Variants in PLXNA4 observed in about 807,000 individuals in gnomAD.
The protein encoded by PLXNA4 is plexin-A4.
PLXNA4 carries 44 observed loss-of-function variants against 191.8 expected under a neutral mutation model. That is an observed-to-expected ratio of 0.23 (90% CI 0.18 to 0.29). The LOEUF (loss-of-function observed/expected upper bound fraction) is 0.29, where lower values mean the gene tolerates loss of function less well. Among genes scored for constraint, PLXNA4 ranks in the 10% least tolerant of loss-of-function variants. The probability of loss-of-function intolerance (pLI) is 1.00; values close to 1 mark genes in which losing one functional copy is unlikely to be tolerated. For synonymous variants in PLXNA4, 1,082 were observed against 1,009.5 expected (o/e 1.07, Z -1.36); for missense variants, 1,800 against 2,488.8 (o/e 0.72, Z 5.89).
In PLXNA4 at chr7:132,507,585, C is replaced by A; in HGVS notation, c.1109G>T (p.Arg370Leu). Reference protein sequence around the residue: ...LKQINDRIKERLQSCYRGEGT... With the variant: ...LKQINDRIKELLQSCYRGEGT... ...CTCGCCCCGGTAACAAGACTGCAGC[C>A]GCTCCTTAATGCGGTCATTTATCTG... is the stretch of plus-strand genomic sequence containing the variant. The change falls in exon 2 of 32, where the codon CGG (arginine) becomes CTG (leucine). Residue 370 changes from arginine (R) to leucine (L), a missense_variant. Physicochemically the swap from Arg to Leu is moderately radical, Grantham distance 102 (BLOSUM62 -2). Coordinates refer to ENST00000321063, the MANE Select transcript of PLXNA4 (RefSeq NM_020911.2). The A allele has an allele frequency of 6.2e-7, 1 of 1,614,122 alleles. No individual in the cohort carries two copies. Among genetic ancestry groups the A allele is most frequent in the Non-Finnish European group, 8.5e-7 (1 of 1,180,028 alleles).
chr7:132,586,428 G>T (rs1313952941), intron 2 of PLXNA4, among the ~76,000 whole-genome samples: 1 of 152,180 alleles, frequency 6.6e-6, no homozygotes, highest in Admixed American at 6.5e-5. Flanking sequence ...AAAAAGGTGA[G>T]AGAGCTTAAC....
intron 3 of PLXNA4, among the ~76,000 whole-genome samples, chr7:132,426,255 C>T (rs560004073): frequency 1.3e-5 from 2 of 152,214 alleles, no homozygotes; most frequent in Non-Finnish European, 2.9e-5. Flanking sequence ...CCTTCAATGG[C>T]CCCCGGTGAT....
Position 132,319,856 on chromosome 7 carries a change from C to T in PLXNA4, c.1372-21634G>A, listed in dbSNP as rs145824713. 5.5e-3 allele frequency among the ~76,000 whole-genome samples: 845 copies of T among 152,332 alleles called. 3 individuals carry two copies. Among genetic ancestry groups the T allele is most frequent in the Non-Finnish European group, 9.0e-3 (611 of 68,036 alleles). ...GGCAGTACCATGCTTCCCCACCTCT[C>T]CTATGCTCTCCACTTGCTTCCTTCC... On this transcript the variant is annotated intron_variant, in intron 3 of 31. Transcript: ENST00000321063.
rs1429306147 is a variant in PLXNA4 at position 132,594,973 on chromosome 7, GATA to G, written c.-87+50952_-87+50954del. Among the ~76,000 whole-genome samples the G allele has an allele frequency of 2.7e-3, 403 of 147,014 alleles. 3 individuals carry two copies. Among genetic ancestry groups the G allele is most frequent in the African/African-American group, 6.0e-3 (234 of 39,148 alleles). On this transcript the variant is annotated intron_variant, in intron 2 of 4. Transcript: ENST00000378539. ...TAGATAGATAGATAGATAATTGATAGATAATAGATAGATAGATAGATAGATAGA... is the reference window on the plus strand; with the variant it reads ...TAGATAGATAGATAGATAATTGATAGATAGATAGATAGATAGATAGATAGA...
At chr7:132,426,912 C>G (rs1795066540) in intron 3 of PLXNA4, among the ~76,000 whole-genome samples, 1 of 152,198 alleles carries the variant, frequency 6.6e-6, no homozygotes. Context: ...CTGAGAAATG[C>G]TGACCTAGGG....
At chr7:132,260,453 C>T (rs1799597477) in intron 4 of PLXNA4, among the ~76,000 whole-genome samples, 1 of 152,088 alleles carries the variant, frequency 6.6e-6, no homozygotes, top group African/African-American at 2.4e-5. Context: ...GAGAACTAAA[C>T]AGTGAGTACA....
intron 3 of PLXNA4, among the ~76,000 whole-genome samples, chr7:132,370,673 A>G (rs899038589): frequency 2.0e-5 from 3 of 152,138 alleles, no homozygotes; most frequent in African/African-American, 7.2e-5. Flanking sequence ...TCATATCACT[A>G]ATAAATGTCT....
At chr7:132,255,126 C>T (rs1799390291) in intron 4 of PLXNA4, among the ~76,000 whole-genome samples, 1 of 152,086 alleles carries the variant, frequency 6.6e-6, no homozygotes, top group Admixed American at 6.5e-5. Context: ...AGATGGAGAA[C>T]CTGGGAGAAG....
chr7:132,541,746 C>T (rs34936676), intron 1 of PLXNA4, among the ~76,000 whole-genome samples: 54,169 of 152,178 alleles, frequency 0.36, 10,607 homozygotes, highest in South Asian at 0.52. Flanking sequence ...TTCAATTTAA[C>T]GTGTGAACAG....
intron 3 of PLXNA4, among the ~76,000 whole-genome samples, chr7:132,352,619 A>G (rs1019307244): frequency 6.6e-6 from 1 of 152,192 alleles, no homozygotes; most frequent in Non-Finnish European, 1.5e-5. Flanking sequence ...GGATATGGGA[A>G]AAAGTTCACA....
chr7:132,377,963 G>A (rs1470267469), intron 3 of PLXNA4, among the ~76,000 whole-genome samples: 1 of 152,070 alleles, frequency 6.6e-6, no homozygotes, highest in East Asian at 1.9e-4. Flanking sequence ...CAATGGATAG[G>A]GCTTTCAGGA....
chr7:132,313,528 C>T (rs1025440000), intron 3 of PLXNA4, among the ~76,000 whole-genome samples: 2 of 152,108 alleles, frequency 1.3e-5, no homozygotes, highest in African/African-American at 4.8e-5. Context: ...TGGATTGTCA[C>T]ACCTGGGTGG....
At chr7:132,421,577 A>ATTTT (rs1311782744) in intron 3 of PLXNA4, among the ~76,000 whole-genome samples, 3 of 129,862 alleles carry the variant, frequency 2.3e-5, no homozygotes, top group African/African-American at 1.3e-4. Flanking sequence ...TTATTGCTAA[A>ATTTT]GTTTTTTTTT....
intron 4 of PLXNA4, 62 bp downstream of exon 4, chr7:132,298,029 C>T: frequency 6.2e-7 from 1 of 1,605,936 alleles, no homozygotes; most frequent in Non-Finnish European, 8.5e-7. Context: ...AAGGTTTGTA[C>T]TGAGCCACAG....
At chr7:132,379,065 G>A (rs191894077) in intron 3 of PLXNA4, among the ~76,000 whole-genome samples, 7 of 152,048 alleles carry the variant, frequency 4.6e-5, no homozygotes, top group Non-Finnish European at 1.0e-4. Flanking sequence ...TGGCCAAACT[G>A]GTCTCGAACT....
chr7:132,563,708 TCC>T (rs1801513320), intron 1 of PLXNA4, among the ~76,000 whole-genome samples: 1 of 117,834 alleles, frequency 8.5e-6, no homozygotes, highest in African/African-American at 3.4e-5. Flanking sequence ...CTCCTCCTCC[TCC>T]TTCTCCTCCT....
intron 3 of PLXNA4, chr7:132,484,966 T>G: frequency 1.2e-6 from 2 of 1,614,022 alleles, no homozygotes; most frequent in Non-Finnish European, 1.7e-6. Flanking sequence ...CTCCCTCCAC[T>G]CCAATCCACT....
At chr7:132,350,465 C>T (rs1803434549) in intron 3 of PLXNA4, among the ~76,000 whole-genome samples, 1 of 152,146 alleles carries the variant, frequency 6.6e-6, no homozygotes, top group African/African-American at 2.4e-5. Flanking sequence ...GATTGTGCCA[C>T]TGCACTCCAG....
chr7:132,414,630 C>T lies in PLXNA4; in HGVS notation c.1371+74662G>A, dbSNP rs191598104. On this transcript the variant is annotated intron_variant, in intron 3 of 31. Coordinates refer to ENST00000321063, the MANE Select transcript of PLXNA4 (RefSeq NM_020911.2). Reference sequence around the variant, plus strand: ...TCAGGCTACTCCTCACCTCACATCCCATAACCACAGAAAGTACTCCACTGA... The same window carrying T: ...TCAGGCTACTCCTCACCTCACATCCTATAACCACAGAAAGTACTCCACTGA... 2.3e-4 allele frequency among the ~76,000 whole-genome samples: 35 copies of T among 152,268 alleles called. No homozygotes were observed. In the East Asian group the frequency reaches 5.0e-3, roughly 22 times the overall value.
Sources: allele counts gnomAD v4.1 joint callset (sites outside exome capture counted in the v4.1 genomes callset), GRCh38; gene constraint gnomAD v4.1.1; transcripts MANE v1.5; gene names NCBI Gene and HGNC (gene_info 2026-07-23, HGNC 2026-07-21).